Variants in OSBPL5 observed in about 807,000 individuals in gnomAD.
The protein encoded by OSBPL5 is oxysterol binding protein like 5.
OSBPL5 carries 71 observed loss-of-function variants against 111.2 expected under a neutral mutation model. That is an observed-to-expected ratio of 0.64 (90% CI 0.53 to 0.78). The LOEUF (loss-of-function observed/expected upper bound fraction) is 0.78. Among genes scored for constraint, OSBPL5 ranks in the 30% least tolerant of loss-of-function variants. The pLI, the probability that OSBPL5 is intolerant of heterozygous loss-of-function variation, is 0.00. For missense variants in OSBPL5, 1,210 were observed against 1,189.3 expected, an observed-to-expected ratio of 1.02 and a Z score of -0.26; for synonymous variants, 549 against 513.9, an observed-to-expected ratio of 1.07 and a Z score of -0.93.
At chr11:3,131,564 CATCCATCCATCCATCCATCCACCCATT>C (rs1394713812) in intron 1 of OSBPL5, among the ~76,000 whole-genome samples, 2 of 25,378 alleles carry the variant, frequency 7.9e-5, no homozygotes, top group African/African-American at 1.5e-4. Context: ...CCCATTCATT[CATCCATCCATCCATCCATCCACCCATT>C]CATCCATCCA....
rs552382553 is a variant in OSBPL5, at chr11:3,098,495, A to ATTTTTTTTT, written c.1621+1654_1621+1662dup. ...TCAAGCCATAAAAAGACATGAAGGAATTTTTTTTTTTTTTTTTTTTTTTTT... is the reference window on the plus strand; with the variant it reads ...TCAAGCCATAAAAAGACATGAAGGAATTTTTTTTTTTTTTTTTTTTTTTTTTTTTTTTTT... On this transcript the variant is annotated intron_variant, in intron 14 of 21. Coordinates refer to ENST00000263650, the MANE Select transcript of OSBPL5 (RefSeq NM_020896.4). Among the ~76,000 whole-genome samples the ATTTTTTTTT allele has an allele frequency of 1.3e-3, 104 of 81,192 alleles. 7 individuals are homozygous for ATTTTTTTTT. Among genetic ancestry groups the ATTTTTTTTT allele is most frequent in the African/African-American group, 4.2e-3 (67 of 15,912 alleles). 53.3% of individuals were successfully genotyped at this position (81,192 alleles called of 152,430 possible). A position where few individuals can be genotyped will look rare whatever the true frequency, so the allele number is the denominator to read the frequency against.
chr11:3,160,393 A>C (rs1324813490), intron 1 of OSBPL5, among the ~76,000 whole-genome samples: 1 of 152,072 alleles, frequency 6.6e-6, no homozygotes, highest in Non-Finnish European at 1.5e-5. Context: ...AGCGGGACGC[A>C]CTGCTTCCAG....
intron 2 of OSBPL5, among the ~76,000 whole-genome samples, 189 bp downstream of exon 2, chr11:3,128,824 G>A (rs1449413945): frequency 6.6e-6 from 1 of 152,000 alleles, no homozygotes; most frequent in African/African-American, 2.4e-5. Context: ...ACCTGGCCCC[G>A]CAGGTCAAGC....
chr11:3,116,430 T>A (rs1220262569), intron 7 of OSBPL5, among the ~76,000 whole-genome samples: 3 of 152,170 alleles, frequency 2.0e-5, no homozygotes, highest in Admixed American at 6.5e-5. Context: ...TGCTCTTGAA[T>A]GCTGGTTTCT....
chr11:3,104,508 C>T lies in OSBPL5; in HGVS notation c.1060-131G>A, dbSNP rs1201179489. ...AGGGTGTAAACCCCTGACCTGGCCTCCATGGCCTCATGAGGCTGACTCAGC... is the reference window on the plus strand; with the variant it reads ...AGGGTGTAAACCCCTGACCTGGCCTTCATGGCCTCATGAGGCTGACTCAGC... On this transcript the variant is annotated intron_variant, in intron 9 of 21. Transcript: ENST00000263650. This position sits in a 1 kb window ranked among gnomAD's most constrained non-coding sequence, Gnocchi z 5.0. The T allele has an allele frequency of 4.4e-5, 41 of 935,418 alleles. No homozygotes were observed. The highest frequency in any genetic ancestry group is 6.0e-5 in the Non-Finnish European group (39 of 644,674). 57.9% of individuals were successfully genotyped at this position (935,418 alleles called of 1,614,324 possible).
At chr11:3,103,725 T>TGCCCCTTCCTGCCTCTGCA (rs1279602016) in intron 10 of OSBPL5, among the ~76,000 whole-genome samples, 3 of 62,870 alleles carry the variant, frequency 4.8e-5, no homozygotes, top group South Asian at 7.7e-4. Context: ...CAGGCTCTGC[T>TGCCCCTTCCTGCCTCTGCA]GCCCCTTCCT....
At chr11:3,131,074 G>A (rs1858807625) in intron 1 of OSBPL5, among the ~76,000 whole-genome samples, 1 of 152,070 alleles carries the variant, frequency 6.6e-6, no homozygotes, top group Admixed American at 6.5e-5. Flanking sequence ...ACCTCCTGGG[G>A]CAGGGAGAGG....
intron 14 of OSBPL5, among the ~76,000 whole-genome samples, chr11:3,098,968 T>C (rs904438937): frequency 9.2e-5 from 14 of 151,984 alleles, no homozygotes; most frequent in Admixed American, 6.6e-4. Context: ...GCCTGGCTAG[T>C]TTTTTGGTAC....
In OSBPL5 at chr11:3,092,093, T is replaced by C. The variant is rs1857078469; in HGVS notation, c.2259+339A>G. Among the ~76,000 whole-genome samples, 1 of 152,112 alleles carries C rather than the reference T, an allele frequency of 6.6e-6. No homozygotes were observed. The highest frequency in any genetic ancestry group is 1.5e-5 in the Non-Finnish European group (1 of 67,996). The stretch of plus-strand genomic sequence containing the variant: ...AGTGCTGGCTCCTCCTCCTCCTACC[T>C]GGGAAGGGCCCTGGGCTGCCCTGAC... On this transcript the variant is annotated intron_variant, in intron 19 of 21. Coordinates refer to ENST00000263650, the MANE Select transcript of OSBPL5 (RefSeq NM_020896.4). This position sits in a 1 kb window ranked among gnomAD's most constrained non-coding sequence, Gnocchi z 5.4.
chr11:3,159,683 G>A (rs990144727), intron 1 of OSBPL5, among the ~76,000 whole-genome samples: 11 of 152,202 alleles, frequency 7.2e-5, no homozygotes, highest in Non-Finnish European at 4.4e-5. Flanking sequence ...TGCACCTGGG[G>A]AGGGCCAGGG....
chr11:3,138,824 C>T (rs552917380), intron 1 of OSBPL5, among the ~76,000 whole-genome samples: 26 of 152,378 alleles, frequency 1.7e-4, no homozygotes, highest in African/African-American at 5.8e-4. Context: ...CCTAGGGACA[C>T]GCGGCTGAGA....
intron 6 of OSBPL5, chr11:3,120,004 A>C: frequency 2.4e-6 from 1 of 411,150 alleles, no homozygotes; most frequent in Middle Eastern, 6.8e-4. Flanking sequence ...TCATACTAGC[A>C]TGAAAGAACT....
chr11:3,098,157 T>A lies in OSBPL5; in HGVS notation c.1621+2001A>T, dbSNP rs546704452. On this transcript the variant is annotated intron_variant, in intron 14 of 21. Transcript: ENST00000263650. ...GTAGAACTTCTTGGGAAACAATATA[T>A]CAAAATGGAAAACTCAGTGGATGAG... Among the ~76,000 whole-genome samples, 45 of 148,830 alleles carry A rather than the reference T, an allele frequency of 3.0e-4. 1 individual carries two copies. In the South Asian group the frequency reaches 9.6e-3, roughly 32 times the overall value.
intron 1 of OSBPL5, among the ~76,000 whole-genome samples, chr11:3,134,083 G>A (rs942621199): frequency 3.3e-5 from 5 of 152,120 alleles, no homozygotes; most frequent in African/African-American, 7.2e-5. Flanking sequence ...ACAGGCAGGC[G>A]ACAGGTGGGC....
At chr11:3,125,631 C>A (rs988614925) in intron 3 of OSBPL5, among the ~76,000 whole-genome samples, 1 of 152,150 alleles carries the variant, frequency 6.6e-6, no homozygotes, top group Admixed American at 6.6e-5. Flanking sequence ...CGGTGAAACC[C>A]GTCTCTACTA....
At chr11:3,103,765 C>CCCCCTTCCAGCCTCTGCAG (rs1857562168) in intron 10 of OSBPL5, among the ~76,000 whole-genome samples, 1 of 41,250 alleles carries the variant, frequency 2.4e-5, no homozygotes, top group Non-Finnish European at 6.9e-5. Flanking sequence ...AGCTCTGCAG[C>CCCCCTTCCAGCCTCTGCAG]CCCCTTCCAG....
chr11:3,121,940 T>C lies in OSBPL5; in HGVS notation c.402+57A>G. ...GGCCACCTGGTTTATGGTCCTTTGT[T>C]ATGGCAGCAGCACGCTGACCCGTGT... On this transcript the variant is annotated intron_variant, in intron 5 of 21. Transcript: ENST00000263650. The surrounding 1 kb of genome is among the most constrained non-coding windows in gnomAD (Gnocchi z 4.3). The C allele has an allele frequency of 6.8e-7, 1 of 1,461,980 alleles. No homozygotes were observed. 90.6% of individuals were successfully genotyped at this position (1,461,980 alleles called of 1,614,324 possible).
intron 1 of OSBPL5, among the ~76,000 whole-genome samples, chr11:3,148,170 C>T (rs1846429330): frequency 6.6e-6 from 1 of 152,240 alleles, no homozygotes; most frequent in Non-Finnish European, 1.5e-5. Flanking sequence ...ACAGCCGGGA[C>T]TCCCCGGGGA....
chr11:3,116,190 C>T (rs902104944), intron 7 of OSBPL5, among the ~76,000 whole-genome samples: 1 of 151,906 alleles, frequency 6.6e-6, no homozygotes, highest in African/African-American at 2.4e-5. Flanking sequence ...GGTATGTGTT[C>T]CAAAATTATA....
Sources: gnomAD v4.1 joint callset for allele counts (sites outside exome capture counted in the v4.1 genomes callset) on GRCh38, gnomAD v4.1.1 for gene constraint, Gnocchi (gnomAD v3.1) non-coding constraint, MANE v1.5 for transcripts, NCBI Gene and HGNC (gene_info 2026-07-23, HGNC 2026-07-21) for gene names.